DNAJC24: variants seen among roughly 807,000 people sequenced by gnomAD.
The protein encoded by DNAJC24 is DnaJ heat shock protein family (Hsp40) member C24, also known as dnaJ homolog subfamily C member 24.
Under a neutral mutation model 18.0 loss-of-function variants are expected in DNAJC24, and 17 were observed. The observed-to-expected ratio is 0.94, with a 90% confidence interval of 0.65 to 1.42. DNAJC24 has a LOEUF of 1.42. DNAJC24 is among the 40% of genes most tolerant of loss of function. DNAJC24 has a pLI of 0.00. For synonymous variants in DNAJC24, 55 were observed against 57.7 expected (o/e 0.95, Z 0.21); for missense variants, 158 against 175.6 (o/e 0.90, Z 0.57).
At chr11:31,388,330 C>T (rs1445274064) in intron 2 of DNAJC24, among the ~76,000 whole-genome samples, 1 of 151,922 alleles carries the variant, frequency 6.6e-6, no homozygotes, top group Non-Finnish European at 1.5e-5. Context: ...ATCAGATTCC[C>T]AAAGGTCAAG....
At chr11:31,417,256 C>A (rs942595134) in intron 3 of DNAJC24, 3 of 152,038 alleles carry the variant, frequency 2.0e-5, no homozygotes, top group African/African-American at 7.2e-5. Flanking sequence ...AGAAGAGTAT[C>A]CAAATATAAC....
chr11:31,424,752 A>G (rs894621004), intron 3 of DNAJC24, among the ~76,000 whole-genome samples: 5 of 152,184 alleles, frequency 3.3e-5, no homozygotes, highest in Non-Finnish European at 5.9e-5. Flanking sequence ...ATAGAAAACC[A>G]TGGTGAGTTC....
At chr11:31,385,078 G>A (rs1591902490) in intron 2 of DNAJC24, 1 of 152,078 alleles carries the variant, frequency 6.6e-6, no homozygotes, top group East Asian at 1.9e-4. Flanking sequence ...AGTGACTTTT[G>A]CACACTATCT....
At chr11:31,376,947 G>A (rs1373144041) in intron 2 of DNAJC24, among the ~76,000 whole-genome samples, 1 of 151,972 alleles carries the variant, frequency 6.6e-6, no homozygotes, top group African/African-American at 2.4e-5. Flanking sequence ...AAAATTATAA[G>A]GGAAAAGCAT....
intron 2 of DNAJC24, among the ~76,000 whole-genome samples, chr11:31,404,438 T>A (rs1952634688): frequency 6.6e-6 from 1 of 152,216 alleles, no homozygotes; most frequent in Non-Finnish European, 1.5e-5. Flanking sequence ...GCTGAGTGCC[T>A]TGAATTTTCC....
At chr11:31,413,256 G>T (rs1287403379) in intron 2 of DNAJC24, among the ~76,000 whole-genome samples, 1 of 150,564 alleles carries the variant, frequency 6.6e-6, no homozygotes. Context: ...TACATTAAAA[G>T]GACATTCCTA....
At chr11:31,383,732 A>C (rs920858205) in intron 2 of DNAJC24, among the ~76,000 whole-genome samples, 1 of 152,244 alleles carries the variant, frequency 6.6e-6, no homozygotes, top group African/African-American at 2.4e-5. Context: ...ATTGTGAGGA[A>C]AAAAGGGCAA....
At chr11:31,410,399 T>C (rs1486208526) in intron 2 of DNAJC24, among the ~76,000 whole-genome samples, 1 of 152,244 alleles carries the variant, frequency 6.6e-6, no homozygotes, top group Non-Finnish European at 1.5e-5. Context: ...TTATCATTGA[T>C]TTATAGGTTT....
chr11:31,416,226 T>C (rs1029988561), intron 3 of DNAJC24: 10 of 152,208 alleles, frequency 6.6e-5, no homozygotes, highest in Admixed American at 4.6e-4. Flanking sequence ...GCTTGAATAT[T>C]GGGTTCTGCT....
rs376353693 is a variant in DNAJC24, at chr11:31,386,383, ATGTC to A, written c.111+15527_111+15530del. ...AAGATAGTAGAGAGTAAAGGCAACT[ATGTC>A]TGGCAACTTGGATGCCAGCTCAGCC... is the stretch of plus-strand genomic sequence containing the variant. On this transcript the variant is annotated intron_variant, in intron 2 of 4. Coordinates refer to ENST00000465995, the MANE Select transcript of DNAJC24 (RefSeq NM_181706.5). Among the ~76,000 whole-genome samples, 50 of 151,790 alleles carry A rather than the reference ATGTC, an allele frequency of 3.3e-4. 1 individual carries two copies. In the East Asian group the frequency reaches 9.5e-3, roughly 29 times the overall value.
At chr11:31,387,340 A>G (rs1952439794) in intron 2 of DNAJC24, among the ~76,000 whole-genome samples, 1 of 152,158 alleles carries the variant, frequency 6.6e-6, no homozygotes, top group South Asian at 2.1e-4. Flanking sequence ...CCACAGTCCC[A>G]GTGGTGATGG....
intron 2 of DNAJC24, among the ~76,000 whole-genome samples, chr11:31,408,568 C>A (rs1952676593): frequency 6.6e-6 from 1 of 152,186 alleles, no homozygotes; most frequent in South Asian, 2.1e-4. Flanking sequence ...GATTTCATAA[C>A]TGAAGTGTTA....
chr11:31,396,390 TG>T, intron 2 of DNAJC24: 2 of 417,458 alleles, frequency 4.8e-6, no homozygotes, highest in South Asian at 3.5e-5. Context: ...CAGGGGACTT[TG>T]GAGGTCGGTT....
rs1952542767 is a variant in DNAJC24 at position 31,396,379 on chromosome 11, TC to T, written c.112-18431del. On this transcript the variant is annotated intron_variant, in intron 2 of 4. Transcript: ENST00000465995. ...AAATCAAGGATTCTTCATCTGAGGC[TC>T]AGGGGACTTTGGAGGTCGGTTAGCC... is the stretch of plus-strand genomic sequence containing the variant. The T allele has an allele frequency of 6.9e-6, 3 of 432,018 alleles. No homozygotes were observed. The Admixed American group carries it at 7.9e-5, about 11-fold the overall frequency. The allele number at this position is 432,018 out of a possible 1,614,324, so 26.8% of individuals were successfully genotyped here. A position where few individuals can be genotyped will look rare whatever the true frequency, so the allele number is the denominator to read the frequency against.
chr11:31,391,172 T>C (rs896677793), intron 2 of DNAJC24, among the ~76,000 whole-genome samples: 9 of 152,134 alleles, frequency 5.9e-5, no homozygotes, highest in African/African-American at 1.9e-4. Context: ...ACAAAAACCC[T>C]TGAGAAACTG....
rs1952568579 is a variant in DNAJC24 at position 31,398,669 on chromosome 11, G to A, written c.112-16142G>A. On this transcript the variant is annotated intron_variant, in intron 2 of 4. Transcript: ENST00000465995. ...GGTAAAGCACCCAAGGGAATTCAAA[G>A]CCACTGAACTAGTATCATTAATATG... Among the ~76,000 whole-genome samples the A allele has an allele frequency of 2.0e-5, 3 of 152,110 alleles. No individual in the cohort carries two copies. The South Asian group carries it at 6.2e-4, about 32-fold the overall frequency.
intron 2 of DNAJC24, chr11:31,408,433 A>C (rs944054335): frequency 3.6e-6 from 1 of 274,362 alleles, no homozygotes; most frequent in Non-Finnish European, 7.2e-6. Flanking sequence ...ACATTGTGAC[A>C]GTCACTCTGG....
At chr11:31,388,706 A>C (rs1213169628) in intron 2 of DNAJC24, among the ~76,000 whole-genome samples, 2 of 152,224 alleles carry the variant, frequency 1.3e-5, no homozygotes, top group African/African-American at 4.8e-5. Flanking sequence ...ATAAGTACAC[A>C]GAAAAACTCA....
At chr11:31,371,312 G>T (rs1428837839) in intron 2 of DNAJC24, among the ~76,000 whole-genome samples, 2 of 152,030 alleles carry the variant, frequency 1.3e-5, no homozygotes, top group African/African-American at 2.4e-5. Flanking sequence ...GTATTTAAAA[G>T]GAATTAAAAT....
Sources: allele counts gnomAD v4.1 joint callset (sites outside exome capture counted in the v4.1 genomes callset), GRCh38; gene constraint gnomAD v4.1.1; transcripts MANE v1.5; gene names NCBI Gene and HGNC (gene_info 2026-07-23, HGNC 2026-07-21).